The following CEP295 variants were observed in gnomAD, a reference collection of about 807,000 sequenced individuals.
The protein encoded by CEP295 is centrosomal protein 295.
A neutral mutation model predicts 291.6 loss-of-function variants in CEP295; 190 were observed. The observed-to-expected ratio is 0.65, with a 90% CI of 0.58 to 0.73. CEP295 has a LOEUF of 0.73. Among genes scored for constraint, CEP295 ranks in the 30% least tolerant of loss-of-function variants. CEP295 has a pLI of 0.00. For synonymous variants in CEP295, 993 were observed against 1,038.8 expected (o/e 0.96, Z 0.85); for missense variants, 2,863 against 2,949.4 (o/e 0.97, Z 0.68).
intron 1 of CEP295, among the ~76,000 whole-genome samples, chr11:93,662,129 G>A (rs561025355): frequency 2.0e-5 from 3 of 152,344 alleles, no homozygotes; most frequent in African/African-American, 7.2e-5. Context: ...CCACCTGGTA[G>A]CTGTTAAAAG....
chr11:93,717,030 G>A (rs943650477), intron 18 of CEP295, among the ~76,000 whole-genome samples: 2 of 152,182 alleles, frequency 1.3e-5, no homozygotes, highest in Non-Finnish European at 2.9e-5. Flanking sequence ...AGGAGTGCTG[G>A]GAGAGTCTAC....
At chr11:93,666,375 C>G (rs1374016933) in intron 1 of CEP295, among the ~76,000 whole-genome samples, 1 of 152,142 alleles carries the variant, frequency 6.6e-6, no homozygotes, top group African/African-American at 2.4e-5. Context: ...AGGTGGATCA[C>G]TTGAGGCCAA....
At chr11:93,681,763 G>A (rs1950980631) in intron 7 of CEP295, among the ~76,000 whole-genome samples, 1 of 151,830 alleles carries the variant, frequency 6.6e-6, no homozygotes, top group African/African-American at 2.4e-5. Flanking sequence ...TGTTGGCCAG[G>A]CTGGAACTCC....
At chr11:93,680,081 A>G (rs1278091348) in intron 7 of CEP295, among the ~76,000 whole-genome samples, 1 of 152,056 alleles carries the variant, frequency 6.6e-6, no homozygotes, top group East Asian at 1.9e-4. Context: ...GTTTAAGACC[A>G]GCTTGGAAAA....
At chr11:93,676,580 ACTT>A (rs1361832311) in intron 6 of CEP295, among the ~76,000 whole-genome samples, 1 of 152,050 alleles carries the variant, frequency 6.6e-6, no homozygotes, top group Non-Finnish European at 1.5e-5. Flanking sequence ...CACAGAATGA[ACTT>A]CTAAGATGCA....
In CEP295 at chr11:93,684,001, G is replaced by C; in HGVS notation, c.987G>C (p.Glu329Asp). Residue 329 changes from glutamate to aspartate, a missense_variant, in exon 9 of 30, where the codon GAG (glutamate) becomes GAC (aspartate). Coordinates refer to ENST00000325212, the MANE Select transcript of CEP295 (RefSeq NM_033395.2). ...KGNLILHLEPEPLPTVTNQIQ... is the reference protein window; with the variant it reads ...KGNLILHLEPDPLPTVTNQIQ... ...ATCTGATTCTGCACCTTGAACCAGA[G>C]CCCTTGCCCACTGTGACTAATCAGA... The C allele has an allele frequency of 6.4e-7, 1 of 1,551,676 alleles. No homozygotes were observed. The highest frequency in any genetic ancestry group is 8.7e-7 in the Non-Finnish European group (1 of 1,147,008).
chr11:93,666,772 T>G lies in CEP295; in HGVS notation c.65T>G (p.Leu22Trp). The G allele has an allele frequency of 6.5e-7, 1 of 1,549,026 alleles. No individual in the cohort carries two copies. Among genetic ancestry groups the G allele is most frequent in the Non-Finnish European group, 8.7e-7 (1 of 1,145,084 alleles). ...AGTCCTAATGAGGAAGCCTTCATTT[T>G]GAAGGAAGATTATGAAAGAAGGCGA... ...RLSPNEEAFI[L>W]KEDYERRRKL... The change falls in exon 2 of 30, where the codon TTG becomes TGG. Residue 22 changes from leucine (L) to tryptophan (W), a missense_variant. By Grantham distance (61) the Leu-to-Trp change is moderately conservative. Coordinates refer to ENST00000325212, the MANE Select transcript of CEP295 (RefSeq NM_033395.2).
intron 17 of CEP295, among the ~76,000 whole-genome samples, chr11:93,703,480 G>A (rs4237560): frequency 0.92 from 139,535 of 151,862 alleles, 64,915 homozygotes; most frequent in East Asian, 0.99. Flanking sequence ...CTTATTGTAG[G>A]CAAAAATTTT....
chr11:93,693,094 G>A (rs978877489), intron 12 of CEP295, among the ~76,000 whole-genome samples: 4 of 22,190 alleles, frequency 1.8e-4, no homozygotes, highest in Non-Finnish European at 1.1e-3. Flanking sequence ...TGGCTAACAC[G>A]GTGAAACCCC....
intron 12 of CEP295, among the ~76,000 whole-genome samples, chr11:93,694,401 T>C (rs1565174996): frequency 6.6e-6 from 1 of 152,324 alleles, no homozygotes; most frequent in Non-Finnish European, 1.5e-5. Context: ...ATTCCACTGA[T>C]AGAAGATTTA....
At chr11:93,665,246 G>T (rs1022372419) in intron 1 of CEP295, among the ~76,000 whole-genome samples, 3 of 152,170 alleles carry the variant, frequency 2.0e-5, no homozygotes, top group Admixed American at 6.5e-5. Context: ...TTTGGAAATG[G>T]CAGTAATAGG....
At chr11:93,728,562 T>A (rs979462023) in intron 24 of CEP295, 119 bp from the exon 25 acceptor site, 2 of 750,780 alleles carry the variant, frequency 2.7e-6, no homozygotes, top group Non-Finnish European at 4.0e-6. Context: ...TCATTGCTTT[T>A]CTTCCTCCAT....
At chr11:93,665,415 G>A (rs1250850734) in intron 1 of CEP295, among the ~76,000 whole-genome samples, 2 of 152,156 alleles carry the variant, frequency 1.3e-5, no homozygotes, top group Non-Finnish European at 2.9e-5. Flanking sequence ...AGCAACAGAA[G>A]AATAGATCTG....
chr11:93,727,770 C>T lies in CEP295; in HGVS notation c.7161+133C>T, dbSNP rs147124566. The T allele has an allele frequency of 1.1e-5, 8 of 714,480 alleles. No homozygotes were observed. The East Asian group carries it at 2.2e-4, about 20-fold the overall frequency. 44.3% of individuals were successfully genotyped at this position (714,480 alleles called of 1,614,324 possible). On this transcript the variant is annotated intron_variant, in intron 24 of 29. Transcript: ENST00000325212. ...CTCAAACTCCTAGGATCAAGGGATC[C>T]TCCTGCCTCAACTTCCGAAGTAGTT...
intron 9 of CEP295, among the ~76,000 whole-genome samples, chr11:93,687,270 A>G (rs1030748408): frequency 6.6e-6 from 1 of 152,072 alleles, no homozygotes; most frequent in Non-Finnish European, 1.5e-5. Context: ...AGACTATAGA[A>G]CCTCACAGCA....
chr11:93,703,046 C>G, intron 17 of CEP295, 127 bp downstream of exon 17: 2 of 757,536 alleles, frequency 2.6e-6, no homozygotes, highest in Non-Finnish European at 4.0e-6. Context: ...TCACTGAAAC[C>G]TCTGCCTTCT....
intron 18 of CEP295, among the ~76,000 whole-genome samples, chr11:93,707,583 A>G (rs570371874): frequency 6.6e-6 from 1 of 152,176 alleles, no homozygotes; most frequent in East Asian, 1.9e-4. Flanking sequence ...ACACCGTGAA[A>G]CCCTGTCTAT....
chr11:93,715,015 T>C (rs1383889192), intron 18 of CEP295, among the ~76,000 whole-genome samples: 1 of 152,170 alleles, frequency 6.6e-6, no homozygotes, highest in Non-Finnish European at 1.5e-5. Flanking sequence ...TCTTTGTTCA[T>C]TCAAGGCCCT....
At chr11:93,720,610 T>C (rs1228984507) in intron 18 of CEP295, among the ~76,000 whole-genome samples, 1 of 152,168 alleles carries the variant, frequency 6.6e-6, no homozygotes, top group Non-Finnish European at 1.5e-5. Context: ...TGTGGTTTTT[T>C]GAGACGGGGT....
Sources: allele counts gnomAD v4.1 joint callset (sites outside exome capture counted in the v4.1 genomes callset), GRCh38; gene constraint gnomAD v4.1.1; transcripts MANE v1.5; gene names NCBI Gene and HGNC (gene_info 2026-07-23, HGNC 2026-07-21).